Variants in LDB2 observed in about 807,000 individuals in gnomAD.
LDB2 encodes the protein LIM domain-binding protein 2.
In LDB2, 12 loss-of-function variants were observed where a neutral mutation model predicts 44.3. The observed-to-expected ratio is 0.27, with a 90% CI of 0.17 to 0.44. LDB2 has a LOEUF of 0.44. Ranked by LOEUF, LDB2 falls within the 20% of genes least tolerant of loss-of-function variation. The pLI, the probability that LDB2 is intolerant of heterozygous loss-of-function variation, is 1.00. For synonymous variants in LDB2, 164 were observed against 174.8 expected (o/e 0.94, Z 0.49); for missense variants, 344 against 473.5 (o/e 0.73, Z 2.54).
At chr4:16,815,026 T>G (rs940469712) in intron 1 of LDB2, among the ~76,000 whole-genome samples, 4 of 152,258 alleles carry the variant, frequency 2.6e-5, no homozygotes, top group Non-Finnish European at 4.4e-5. Context: ...ATTCACATCA[T>G]TCAAATGCAG....
At chr4:16,523,847 A>C (rs538210349) in intron 5 of LDB2, among the ~76,000 whole-genome samples, 33 of 152,240 alleles carry the variant, frequency 2.2e-4, no homozygotes, top group Non-Finnish European at 4.6e-4. Flanking sequence ...TTCTGACTGT[A>C]GTTGACCATA....
At chr4:16,845,912 A>G (rs1052151538) in intron 1 of LDB2, among the ~76,000 whole-genome samples, 6 of 152,114 alleles carry the variant, frequency 3.9e-5, no homozygotes, top group Non-Finnish European at 7.4e-5. Context: ...GTTCAAGACC[A>G]GCCTGGCCAA....
intron 2 of LDB2, 135 bp from the exon 3 acceptor site, chr4:16,596,010 T>C: frequency 1.2e-6 from 1 of 843,296 alleles, no homozygotes. Context: ...CAAATTTCTC[T>C]TTAAAAACAG....
intron 2 of LDB2, among the ~76,000 whole-genome samples, chr4:16,711,545 G>A (rs908201042): frequency 6.6e-6 from 1 of 152,198 alleles, no homozygotes; most frequent in Non-Finnish European, 1.5e-5. Flanking sequence ...ACACAGGGGT[G>A]ACAAGTCTGA....
chr4:16,748,381 G>A (rs1764788028), intron 2 of LDB2, among the ~76,000 whole-genome samples: 1 of 152,122 alleles, frequency 6.6e-6, no homozygotes, highest in Admixed American at 6.5e-5. Context: ...CAAAATACAT[G>A]AAGGCACCCA....
At chr4:16,505,346 TGAGA>T (rs144504489) in intron 7 of LDB2, among the ~76,000 whole-genome samples, 237 of 151,190 alleles carry the variant, frequency 1.6e-3, no homozygotes, top group African/African-American at 5.0e-3. Flanking sequence ...TGTGTGTGTG[TGAGA>T]GAGAGAGAGC....
intron 1 of LDB2, among the ~76,000 whole-genome samples, chr4:16,824,992 G>C (rs1431950661): frequency 3.3e-5 from 5 of 152,224 alleles, no homozygotes; most frequent in Non-Finnish European, 7.3e-5. Flanking sequence ...GGTAGATGCA[G>C]AGTAAATACA....
chr4:16,759,349 C>G, intron 1 of LDB2, 89 bp from the exon 2 acceptor site: 3 of 942,324 alleles, frequency 3.2e-6, no homozygotes, highest in Non-Finnish European at 3.4e-6. Flanking sequence ...AAAAACTCAG[C>G]TGCTCCTTGC....
chr4:16,539,733 C>T (rs1733100837), intron 5 of LDB2, among the ~76,000 whole-genome samples: 1 of 152,092 alleles, frequency 6.6e-6, no homozygotes, highest in African/African-American at 2.4e-5. Flanking sequence ...TTTCTCTTAT[C>T]TAGTAAGACA....
intron 2 of LDB2, among the ~76,000 whole-genome samples, chr4:16,700,654 A>G (rs1423825026): frequency 6.6e-6 from 1 of 152,226 alleles, no homozygotes. Context: ...CCCTGTGGTG[A>G]GAAAGCCATG....
intron 2 of LDB2, among the ~76,000 whole-genome samples, chr4:16,644,592 T>A (rs1736159304): frequency 6.6e-6 from 1 of 152,060 alleles, no homozygotes; most frequent in Non-Finnish European, 1.5e-5. Context: ...CATGCCCAGC[T>A]AATTTTTTTG....
intron 2 of LDB2, among the ~76,000 whole-genome samples, chr4:16,705,099 A>T (rs1754323369): frequency 6.6e-6 from 1 of 152,018 alleles, no homozygotes; most frequent in Non-Finnish European, 1.5e-5. Context: ...ATGAAATAAT[A>T]ATTATACATA....
intron 2 of LDB2, among the ~76,000 whole-genome samples, chr4:16,623,524 G>A (rs943240538): frequency 3.2e-4 from 48 of 152,262 alleles, no homozygotes; most frequent in African/African-American, 1.2e-3. Context: ...TTGAGCCCGG[G>A]AGGCGGACGT....
intron 2 of LDB2, among the ~76,000 whole-genome samples, chr4:16,690,649 G>C (rs1281420471): frequency 6.6e-6 from 1 of 152,044 alleles, no homozygotes; most frequent in Admixed American, 6.6e-5. Context: ...TCTAGGAGCT[G>C]AGGTTGGTCT....
At chr4:16,768,056 G>A (rs893412899) in intron 1 of LDB2, among the ~76,000 whole-genome samples, 2 of 152,144 alleles carry the variant, frequency 1.3e-5, no homozygotes, top group African/African-American at 2.4e-5. Context: ...GACAGGTTAC[G>A]TGGGATTTTT....
chr4:16,673,955 A>G (rs1745589232), intron 2 of LDB2, among the ~76,000 whole-genome samples: 1 of 152,216 alleles, frequency 6.6e-6, no homozygotes, highest in Admixed American at 6.5e-5. Context: ...TCTGTGGGAT[A>G]TCTGTGCCCA....
intron 2 of LDB2, among the ~76,000 whole-genome samples, chr4:16,640,774 C>T (rs1417848583): frequency 6.6e-6 from 1 of 152,170 alleles, no homozygotes; most frequent in Non-Finnish European, 1.5e-5. Context: ...CTTGCTCTAC[C>T]TTTTCCTCTG....
rs138876735 is a variant in LDB2 at position 16,787,791 on chromosome 4, A to G, written c.133-28531T>C. Among the ~76,000 whole-genome samples, 11 of 152,344 alleles carry G rather than the reference A, an allele frequency of 7.2e-5. No homozygotes were observed. The East Asian group carries it at 1.9e-3, about 27-fold the overall frequency. Reference sequence around the variant, plus strand: ...GTGGGAACACTTTTTAGTGTCTTGTAGGACTGCCCTAAGGATTTGGCAGGA... The same window carrying G: ...GTGGGAACACTTTTTAGTGTCTTGTGGGACTGCCCTAAGGATTTGGCAGGA... On this transcript the variant is annotated intron_variant, in intron 1 of 7. Transcript: ENST00000304523.
chr4:16,828,740 G>A (rs554660829), intron 1 of LDB2, among the ~76,000 whole-genome samples: 4 of 152,184 alleles, frequency 2.6e-5, no homozygotes, highest in African/African-American at 9.6e-5. Context: ...AAATGATAGA[G>A]AAGTAACAGA....
Sources: allele counts gnomAD v4.1 joint callset (sites outside exome capture counted in the v4.1 genomes callset), GRCh38; gene constraint gnomAD v4.1.1; transcripts MANE v1.5; gene names NCBI Gene and HGNC (gene_info 2026-07-23, HGNC 2026-07-21).